Variants in REPS1 observed in about 807,000 individuals in gnomAD.
REPS1 encodes ralBP1-associated Eps domain-containing protein 1.
In REPS1, 39 loss-of-function variants were observed where a neutral mutation model predicts 100.9. The observed-to-expected ratio is 0.39, with a 90% CI of 0.30 to 0.50. The LOEUF (loss-of-function observed/expected upper bound fraction) is 0.50. Ranked by LOEUF, REPS1 falls within the 20% of genes least tolerant of loss-of-function variation. REPS1 has a pLI of 0.86. For synonymous variants in REPS1, 324 were observed against 340.3 expected, an observed-to-expected ratio of 0.95 and a Z score of 0.53; for missense variants, 821 against 968.5, an observed-to-expected ratio of 0.85 and a Z score of 2.02.
intron 9 of REPS1, 102 bp from the exon 10 acceptor site, chr6:138,926,583 T>C: frequency 1.3e-6 from 1 of 766,188 alleles, no homozygotes; most frequent in Non-Finnish European, 2.3e-6. Flanking sequence ...CACTGCAAGT[T>C]GTGTTTCATA....
At chr6:138,913,022 T>C (rs1780114990) in intron 15 of REPS1, 72 bp from the exon 16 acceptor site, 1 of 1,306,718 alleles carries the variant, frequency 7.7e-7, no homozygotes, top group African/African-American at 1.5e-5. Flanking sequence ...ATCTTCTTCT[T>C]CTTCGAAAAC....
intron 1 of REPS1, among the ~76,000 whole-genome samples, chr6:138,970,326 CAG>C (rs753570564): frequency 6.6e-6 from 1 of 151,880 alleles, no homozygotes; most frequent in Non-Finnish European, 1.5e-5. Flanking sequence ...ACGTTAAAGA[CAG>C]AGTATTTCAG....
chr6:138,914,841 A>G, intron 14 of REPS1, 80 bp from the exon 15 acceptor site: 2 of 1,146,516 alleles, frequency 1.7e-6, no homozygotes, highest in South Asian at 1.4e-5. Flanking sequence ...AATGAATGTG[A>G]CTACATGATA....
intron 7 of REPS1, 21 bp from the exon 8 acceptor site, chr6:138,941,510 G>T (rs1287519875): frequency 6.2e-7 from 1 of 1,602,514 alleles, no homozygotes; most frequent in South Asian, 1.1e-5. Flanking sequence ...AGTTTATTGT[G>T]AATATAATCA....
intron 1 of REPS1, among the ~76,000 whole-genome samples, chr6:138,986,648 C>A (rs908263069): frequency 2.0e-5 from 3 of 152,210 alleles, no homozygotes; most frequent in Non-Finnish European, 2.9e-5. Context: ...AAGATGAAAG[C>A]TTAAAACCTG....
intron 1 of REPS1, among the ~76,000 whole-genome samples, chr6:138,959,324 TG>T (rs1783591592): frequency 6.6e-6 from 1 of 152,178 alleles, no homozygotes; most frequent in Non-Finnish European, 1.5e-5. Flanking sequence ...GTCAAGTAGA[TG>T]CTCAATTACA....
intron 16 of REPS1, among the ~76,000 whole-genome samples, chr6:138,912,350 T>C (rs1780066772): frequency 6.6e-6 from 1 of 152,224 alleles, no homozygotes. Context: ...GAAATTTGTT[T>C]TTAGTTAAAG....
At chr6:138,979,484 T>C (rs1223646310) in intron 1 of REPS1, among the ~76,000 whole-genome samples, 1 of 152,140 alleles carries the variant, frequency 6.6e-6, no homozygotes, top group East Asian at 1.9e-4. Context: ...AGCCATCATT[T>C]ATCCCTCAAA....
In REPS1 at chr6:138,927,681, TAATAC is replaced by T. The variant is rs1330022397; in HGVS notation, c.1258-1205_1258-1201del. On this transcript the variant is annotated intron_variant, in intron 9 of 19. Coordinates refer to ENST00000450536, the MANE Select transcript of REPS1 (RefSeq NM_001286611.2). ...GGTGAAAATTACCTACAAAAACGGC[TAATAC>T]AATAATTCAACGACTTTTCCTACAG... 5.3e-5 allele frequency: 8 copies of T among 152,180 alleles called. No homozygotes were observed. In the East Asian group the frequency reaches 1.2e-3, roughly 22 times the overall value. The allele number at this position is 152,180 out of a possible 1,614,324, so 9.4% of individuals were successfully genotyped here. A position where few individuals can be genotyped will look rare whatever the true frequency, so the allele number is the denominator to read the frequency against.
At chr6:138,914,941 C>T (rs1435158641) in intron 14 of REPS1, 180 bp from the exon 15 acceptor site, 1 of 575,534 alleles carries the variant, frequency 1.7e-6, no homozygotes, top group Non-Finnish European at 3.0e-6. Context: ...AATCTCACAG[C>T]CTTTCATCAG....
chr6:138,932,966 A>C (rs1252095572), intron 8 of REPS1, among the ~76,000 whole-genome samples: 1 of 152,220 alleles, frequency 6.6e-6, no homozygotes, highest in African/African-American at 2.4e-5. Flanking sequence ...AAATCAGCAA[A>C]TGCACTTTTT....
intron 1 of REPS1, among the ~76,000 whole-genome samples, chr6:138,963,439 A>C (rs995187578): frequency 1.3e-5 from 2 of 152,182 alleles, no homozygotes; most frequent in East Asian, 1.9e-4. Context: ...GTAGGCACTT[A>C]ATACCTATTG....
chr6:138,978,562 A>G (rs1562569077), intron 1 of REPS1, among the ~76,000 whole-genome samples: 1 of 151,788 alleles, frequency 6.6e-6, no homozygotes, highest in Non-Finnish European at 1.5e-5. Flanking sequence ...TGCCCGCCTC[A>G]ACCTCACAAA....
intron 10 of REPS1, among the ~76,000 whole-genome samples, chr6:138,925,118 G>A (rs2128450494): frequency 6.6e-6 from 1 of 152,124 alleles, no homozygotes; most frequent in East Asian, 1.9e-4. Context: ...GGCCGAGGTG[G>A]GTGGATCACT....
chr6:138,910,545 G>T (rs1045719056), intron 17 of REPS1, among the ~76,000 whole-genome samples: 1 of 152,042 alleles, frequency 6.6e-6, no homozygotes, highest in Non-Finnish European at 1.5e-5. Context: ...GTAGAGACGG[G>T]GTTTCGCCAC....
At chr6:138,944,361 A>G (rs17068156) in intron 5 of REPS1, 137 bp downstream of exon 5, 40,762 of 911,474 alleles carry the variant, frequency 0.045, 2,823 homozygotes, top group African/African-American at 0.22. Flanking sequence ...TTTGAAATGC[A>G]CAGAGCAGAA....
chr6:138,964,870 T>G (rs1436988138), intron 1 of REPS1, among the ~76,000 whole-genome samples: 1 of 152,132 alleles, frequency 6.6e-6, no homozygotes, highest in Non-Finnish European at 1.5e-5. Flanking sequence ...AGATTACTGC[T>G]ATATGACCTA....
Position 138,911,040 on chromosome 6 carries a change from T to C in REPS1, c.2067+236A>G, listed in dbSNP as rs1043763808. On this transcript the variant is annotated intron_variant, in intron 17 of 19. Coordinates refer to ENST00000450536, the MANE Select transcript of REPS1 (RefSeq NM_001286611.2). ...ACCTATAAAGAAGTTCTACCTTATA[T>C]AGTGGGAAGAATGCAATAACCACTT... 4 of 391,994 alleles carry C rather than the reference T, an allele frequency of 1.0e-5. No individual in the cohort carries two copies. In the Admixed American group the frequency reaches 1.2e-4, roughly 12 times the overall value. The allele number at this position is 391,994 out of a possible 1,614,324, so 24.3% of individuals were successfully genotyped here. A position where few individuals can be genotyped will look rare whatever the true frequency, so the allele number is the denominator to read the frequency against.
intron 1 of REPS1, among the ~76,000 whole-genome samples, chr6:138,980,509 C>G (rs991554885): frequency 1.6e-4 from 24 of 151,946 alleles, no homozygotes; most frequent in African/African-American, 2.4e-5. Context: ...AGGCCCTTCC[C>G]AGTTCTCTCT....
Sources: gnomAD v4.1 joint callset for allele counts (sites outside exome capture counted in the v4.1 genomes callset) on GRCh38, gnomAD v4.1.1 for gene constraint, MANE v1.5 for transcripts, NCBI Gene and HGNC (gene_info 2026-07-23, HGNC 2026-07-21) for gene names.